TUFT1: variants seen among roughly 807,000 people sequenced by gnomAD.
TUFT1 encodes the protein tuftelin 1.
In TUFT1, 43 loss-of-function variants were observed where a neutral mutation model predicts 57.8. That is an observed-to-expected ratio of 0.74 (90% confidence interval 0.58 to 0.96). TUFT1 has a LOEUF of 0.96. TUFT1 is among the 40% of genes least tolerant of loss of function. The pLI, the probability that TUFT1 is intolerant of heterozygous loss-of-function variation, is 0.00. For missense variants in TUFT1, 459 were observed against 489.0 expected (o/e 0.94, Z 0.58); for synonymous variants, 166 against 176.7 (o/e 0.94, Z 0.48).
At chr1:151,555,463 C>CT (rs397981559) in intron 1 of TUFT1, among the ~76,000 whole-genome samples, 49,540 of 141,702 alleles carry the variant, frequency 0.35, 8,647 homozygotes, top group Non-Finnish European at 0.42. Context: ...ATATTAATTC[C>CT]TTTTTTTTTT....
intron 9 of TUFT1, among the ~76,000 whole-genome samples, chr1:151,577,580 C>T (rs1235137018): frequency 2.0e-5 from 3 of 152,110 alleles, no homozygotes; most frequent in Non-Finnish European, 1.5e-5. Flanking sequence ...GATCTTGGCT[C>T]AGTTTGCTTA....
intron 7 of TUFT1, among the ~76,000 whole-genome samples, chr1:151,573,226 G>A (rs1235182988): frequency 6.6e-6 from 1 of 152,130 alleles, no homozygotes; most frequent in Non-Finnish European, 1.5e-5. Flanking sequence ...AGAGTGACTG[G>A]GCAAAATCTG....
intron 1 of TUFT1, among the ~76,000 whole-genome samples, chr1:151,543,093 C>T (rs1369697850): frequency 6.6e-6 from 1 of 152,178 alleles, no homozygotes; most frequent in Non-Finnish European, 1.5e-5. Flanking sequence ...TAGCGTATCA[C>T]ATGTGGACAT....
intron 1 of TUFT1, among the ~76,000 whole-genome samples, chr1:151,554,673 G>A (rs530651780): frequency 4.5e-5 from 6 of 132,164 alleles, no homozygotes; most frequent in Admixed American, 2.5e-4. Context: ...TGCTGGGACT[G>A]TGAACCACTG....
chr1:151,549,212 C>T (rs1665436224), intron 1 of TUFT1, among the ~76,000 whole-genome samples: 2 of 152,296 alleles, frequency 1.3e-5, no homozygotes, highest in Admixed American at 6.5e-5. Flanking sequence ...GTAGAGACCC[C>T]CCTGCCGGAT....
intron 9 of TUFT1, among the ~76,000 whole-genome samples, chr1:151,576,672 G>A (rs911378065): frequency 6.6e-6 from 1 of 152,054 alleles, no homozygotes; most frequent in African/African-American, 2.4e-5. Flanking sequence ...TCACTCTGTC[G>A]CCCAGGCTGG....
Position 151,581,799 on chromosome 1 carries a change from T to C in TUFT1, c.*92T>C. On this transcript the variant is annotated 3_prime_UTR_variant, in exon 13 of 13. Transcript: ENST00000368849. ...GCTGTTAACACTGCCTTTGACTTCC[T>C]GACTGTCCCCTGGCTGCACCCAGGA... The C allele has an allele frequency of 2.9e-6, 4 of 1,374,746 alleles. No homozygotes were observed. Among genetic ancestry groups the C allele is most frequent in the Non-Finnish European group, 2.1e-6 (2 of 968,770 alleles). The allele number at this position is 1,374,746 out of a possible 1,614,324, so 85.2% of individuals were successfully genotyped here.
intron 1 of TUFT1, among the ~76,000 whole-genome samples, chr1:151,553,759 G>A (rs929584126): frequency 6.6e-6 from 1 of 152,120 alleles, no homozygotes; most frequent in African/African-American, 2.4e-5. Flanking sequence ...GTGTTGCTGC[G>A]CAATCCCAGC....
intron 1 of TUFT1, chr1:151,561,850 G>A (rs1261286352): frequency 6.8e-7 from 1 of 1,479,728 alleles, no homozygotes; most frequent in Non-Finnish European, 9.0e-7. Context: ...ACAGAGCCAT[G>A]TGCCAGGTAA....
intron 1 of TUFT1, among the ~76,000 whole-genome samples, chr1:151,541,095 C>G: frequency 6.6e-6 from 1 of 152,146 alleles, no homozygotes; most frequent in East Asian, 1.9e-4. Context: ...TTTCCTCCCT[C>G]TATCTGCCTG....
chr1:151,557,870 G>A, intron 1 of TUFT1: 1 of 735,344 alleles, frequency 1.4e-6, no homozygotes, highest in South Asian at 1.3e-5. Flanking sequence ...GCTGAGGCTG[G>A]GGCTGGGTCA....
At position 151,557,912 on chromosome 1, in the gene TUFT1, G is replaced by A. The variant is rs906913038; in HGVS notation, c.61-4179G>A. On this transcript the variant is annotated intron_variant, in intron 1 of 12. Transcript: ENST00000368849. ...GAATTCCAGTTTAGAGGTGGATTTG[G>A]TTGAGGATGTGGTCAGCCACCTCAG... 7 of 692,752 alleles carry A rather than the reference G, an allele frequency of 1.0e-5. No homozygotes were observed. In the African/African-American group the frequency reaches 1.0e-4, roughly 10 times the overall value. 42.9% of individuals were successfully genotyped at this position (692,752 alleles called of 1,614,324 possible). A position where few individuals can be genotyped will look rare whatever the true frequency, so the allele number is the denominator to read the frequency against.
chr1:151,545,539 G>A (rs140497867), intron 1 of TUFT1, among the ~76,000 whole-genome samples: 231 of 152,340 alleles, frequency 1.5e-3, no homozygotes, highest in Admixed American at 3.7e-3. Context: ...CTGGCATGTG[G>A]TAAGTACTCA....
At chr1:151,561,857 G>A (rs1210164760) in intron 1 of TUFT1, 4 of 1,489,256 alleles carry the variant, frequency 2.7e-6, no homozygotes, top group East Asian at 2.7e-5. Context: ...CATGTGCCAG[G>A]TAATCTTTGT....
chr1:151,578,315 T>C (rs1666543700), intron 9 of TUFT1, among the ~76,000 whole-genome samples: 1 of 94,234 alleles, frequency 1.1e-5, no homozygotes, highest in African/African-American at 2.8e-5. Flanking sequence ...AATGTAATAT[T>C]CTTTTTTTTT....
chr1:151,543,133 G>T (rs1157063485), intron 1 of TUFT1, among the ~76,000 whole-genome samples: 1 of 152,138 alleles, frequency 6.6e-6, no homozygotes, highest in Non-Finnish European at 1.5e-5. Context: ...TCTCTGGGAT[G>T]TTTTTATTGT....
intron 3 of TUFT1, among the ~76,000 whole-genome samples, chr1:151,563,241 T>C (rs775117610): frequency 4.6e-5 from 7 of 152,182 alleles, no homozygotes; most frequent in Non-Finnish European, 1.0e-4. Flanking sequence ...TCTCTCTTTT[T>C]TTTTATAAAA....
rs1421375545 is a variant in TUFT1, at chr1:151,582,449, G to A, written c.*742G>A. The stretch of plus-strand genomic sequence containing the variant: ...GATTTTCCCTAAGGTGTACCACCAG[G>A]CACACCTCAGTCTTCTTGACCCAGA... On this transcript the variant is annotated 3_prime_UTR_variant, in exon 13 of 13. Coordinates refer to ENST00000368849, the MANE Select transcript of TUFT1 (RefSeq NM_020127.3). 1 of 311,598 alleles carries A rather than the reference G, an allele frequency of 3.2e-6. No homozygotes were observed. The highest frequency in any genetic ancestry group is 6.3e-6 in the Non-Finnish European group (1 of 157,924). The allele number at this position is 311,598 out of a possible 1,614,324, so 19.3% of individuals were successfully genotyped here. A position where few individuals can be genotyped will look rare whatever the true frequency, so the allele number is the denominator to read the frequency against.
In TUFT1 at chr1:151,581,027, CAG is replaced by C; in HGVS notation, c.1098_1099del (p.Asn367ProfsTer5). 6.2e-7 allele frequency: 1 copy of C among 1,614,098 alleles called. No homozygotes were observed. Among genetic ancestry groups the C allele is most frequent in the Non-Finnish European group, 8.5e-7 (1 of 1,180,008 alleles). ...TTCAGCACCCAGGCCCGGGCCAAGACAGAGAACCCGGGCAGGTGAGTGAGCGT... is the reference window on the plus strand; with the variant it reads ...TTCAGCACCCAGGCCCGGGCCAAGACAGAACCCGGGCAGGTGAGTGAGCGT... On this transcript the variant is annotated frameshift_variant, in exon 12 of 13. Coordinates refer to ENST00000368849, the MANE Select transcript of TUFT1 (RefSeq NM_020127.3). LOFTEE classifies it high-confidence loss of function.
Sources: gnomAD v4.1 joint callset for allele counts (sites outside exome capture counted in the v4.1 genomes callset) on GRCh38, gnomAD v4.1.1 for gene constraint, MANE v1.5 for transcripts, NCBI Gene and HGNC (gene_info 2026-07-23, HGNC 2026-07-21) for gene names.